The following CDKAL1 variants were observed in gnomAD, a reference collection of about 807,000 sequenced individuals.
The protein encoded by CDKAL1 is threonylcarbamoyladenosine tRNA methylthiotransferase.
CDKAL1 carries 32 observed loss-of-function variants against 68.2 expected under a neutral mutation model. The observed-to-expected ratio is 0.47, with a 90% CI of 0.35 to 0.63. The LOEUF (loss-of-function observed/expected upper bound fraction) is 0.63. Ranked by LOEUF, CDKAL1 falls within the 30% of genes least tolerant of loss-of-function variation. The probability of loss-of-function intolerance (pLI) is 0.00; values close to 1 mark genes in which losing one functional copy is unlikely to be tolerated. For missense variants in CDKAL1, 606 were observed against 696.7 expected, an observed-to-expected ratio of 0.87 and a Z score of 1.47; for synonymous variants, 234 against 244.3, an observed-to-expected ratio of 0.96 and a Z score of 0.39.
At chr6:20,721,732 T>TTTTTTTG (rs1436914412) in intron 5 of CDKAL1, among the ~76,000 whole-genome samples, 3 of 133,354 alleles carry the variant, frequency 2.2e-5, no homozygotes, top group African/African-American at 9.4e-5. Context: ...TCTGTTTTTT[T>TTTTTTTG]TTTTTTTTTT....
chr6:20,746,704 C>T (rs1475475738), intron 6 of CDKAL1, among the ~76,000 whole-genome samples: 1 of 152,044 alleles, frequency 6.6e-6, no homozygotes, highest in Non-Finnish European at 1.5e-5. Context: ...ATGTATAGTT[C>T]TTAATGGAGA....
At chr6:21,185,405 T>C (rs1357149430) in intron 13 of CDKAL1, among the ~76,000 whole-genome samples, 2 of 152,192 alleles carry the variant, frequency 1.3e-5, no homozygotes. Flanking sequence ...GCTTAAAGCT[T>C]TTATCTTTGT....
chr6:20,697,999 A>G (rs1466467131), intron 5 of CDKAL1, among the ~76,000 whole-genome samples: 2 of 152,210 alleles, frequency 1.3e-5, no homozygotes, highest in Non-Finnish European at 1.5e-5. Context: ...AACAGGAGAT[A>G]ATTTATATGC....
At chr6:21,215,385 T>A (rs574763814) in intron 15 of CDKAL1, among the ~76,000 whole-genome samples, 7 of 152,208 alleles carry the variant, frequency 4.6e-5, no homozygotes, top group Non-Finnish European at 7.3e-5. Context: ...TACAGAGTTA[T>A]GTGACAAGAA....
rs200258160 is a variant in CDKAL1 at position 20,781,161 on chromosome 6, G to T, written c.534G>T (p.Leu178=). Residue 178 remains leucine, a synonymous_variant, in exon 8 of 16, where the codon CTG becomes CTT. Transcript: ENST00000274695. Reference sequence around the variant, plus strand: ...GATTTGAAGGTCACTCTGTGAGACTGCTGGGTCAGAAAAAGGATAATGGAA... The same window carrying T: ...GATTTGAAGGTCACTCTGTGAGACTTCTGGGTCAGAAAAAGGATAATGGAA... ...EETIKGHSVR[L]LGQKKDNGRR... The T allele has an allele frequency of 2.5e-6, 4 of 1,613,804 alleles. No homozygotes were observed. The Admixed American group carries it at 5.0e-5, about 20-fold the overall frequency.
chr6:20,899,213 C>T (rs910985087), intron 9 of CDKAL1, among the ~76,000 whole-genome samples: 12 of 151,872 alleles, frequency 7.9e-5, no homozygotes, highest in East Asian at 3.9e-4. Context: ...TACAGGTGCC[C>T]GCCACCACAC....
chr6:20,731,246 A>G (rs987600060), intron 5 of CDKAL1, among the ~76,000 whole-genome samples: 1 of 152,210 alleles, frequency 6.6e-6, no homozygotes, highest in Non-Finnish European at 1.5e-5. Context: ...GAAGAGTACC[A>G]TGTTCTGGCT....
intron 11 of CDKAL1, among the ~76,000 whole-genome samples, chr6:21,041,125 T>G (rs1210686576): frequency 6.6e-6 from 1 of 152,178 alleles, no homozygotes; most frequent in Non-Finnish European, 1.5e-5. Flanking sequence ...GGAAGCTGTG[T>G]TCTCACGTCT....
At chr6:20,840,951 T>A (rs1233934660) in intron 8 of CDKAL1, among the ~76,000 whole-genome samples, 2 of 152,236 alleles carry the variant, frequency 1.3e-5, no homozygotes, top group Non-Finnish European at 2.9e-5. Context: ...GACCACAGTA[T>A]GGCTTTTCCA....
At position 20,572,385 on chromosome 6, in the gene CDKAL1, A is replaced by C. The variant is rs567728364; in HGVS notation, c.286+23680A>C. ...TTACCACCTGCTGAAGTCGACTTGG[A>C]GTGACTACTGACCTGAAGTGAATGC... On this transcript the variant is annotated intron_variant, in intron 4 of 15. Transcript: ENST00000274695. Among the ~76,000 whole-genome samples, 4 of 152,142 alleles carry C rather than the reference A, an allele frequency of 2.6e-5. No homozygotes were observed. The East Asian group carries it at 5.8e-4, about 22-fold the overall frequency.
intron 5 of CDKAL1, among the ~76,000 whole-genome samples, chr6:20,679,243 T>C (rs1770264594): frequency 6.6e-6 from 1 of 152,260 alleles, no homozygotes; most frequent in Non-Finnish European, 1.5e-5. Context: ...ACATTTACCA[T>C]CTACTTTGTC....
At chr6:21,021,022 C>G (rs1768632689) in intron 11 of CDKAL1, among the ~76,000 whole-genome samples, 1 of 152,052 alleles carries the variant, frequency 6.6e-6, no homozygotes, top group Non-Finnish European at 1.5e-5. Flanking sequence ...AAGTGAGGTA[C>G]TGTCAGGATT....
chr6:20,817,260 A>G (rs2150434450), intron 8 of CDKAL1, among the ~76,000 whole-genome samples: 1 of 152,110 alleles, frequency 6.6e-6, no homozygotes, highest in East Asian at 1.9e-4. Flanking sequence ...ATATGTATGA[A>G]CATCTTCTAT....
intron 5 of CDKAL1, among the ~76,000 whole-genome samples, chr6:20,650,771 AG>A (rs1768726121): frequency 6.6e-6 from 1 of 152,188 alleles, no homozygotes; most frequent in African/African-American, 2.4e-5. Context: ...TTTCTGCACA[AG>A]GCTAGCCAGT....
intron 13 of CDKAL1, among the ~76,000 whole-genome samples, chr6:21,121,422 G>C (rs1290551678): frequency 1.3e-5 from 2 of 152,104 alleles, no homozygotes; most frequent in African/African-American, 4.8e-5. Context: ...TTAATTGTAA[G>C]ACTCACCATT....
intron 13 of CDKAL1, among the ~76,000 whole-genome samples, chr6:21,153,945 A>G (rs1249091385): frequency 1.3e-5 from 2 of 152,244 alleles, no homozygotes; most frequent in South Asian, 4.2e-4. Flanking sequence ...ATCTAACTAG[A>G]TCCAAAGGGG....
chr6:20,771,217 A>G (rs1021418410), intron 7 of CDKAL1, among the ~76,000 whole-genome samples: 1 of 152,228 alleles, frequency 6.6e-6, no homozygotes, highest in Non-Finnish European at 1.5e-5. Context: ...TATAAAATGT[A>G]CATCCTCTTT....
At chr6:20,594,308 T>G (rs1485516579) in intron 4 of CDKAL1, among the ~76,000 whole-genome samples, 2 of 152,132 alleles carry the variant, frequency 1.3e-5, no homozygotes, top group Non-Finnish European at 2.9e-5. Flanking sequence ...TGTGTGAGAG[T>G]GTAAATCTCT....
At chr6:20,951,606 G>A (rs1008646452) in intron 9 of CDKAL1, among the ~76,000 whole-genome samples, 18 of 152,094 alleles carry the variant, frequency 1.2e-4, no homozygotes, top group Admixed American at 5.2e-4. Flanking sequence ...TAAACTTAAG[G>A]CTTTTTTCCT....
Sources: gnomAD v4.1 joint callset for allele counts (sites outside exome capture counted in the v4.1 genomes callset) on GRCh38, gnomAD v4.1.1 for gene constraint, MANE v1.5 for transcripts, NCBI Gene and HGNC (gene_info 2026-07-23, HGNC 2026-07-21) for gene names.